The following GLI3 variants were observed in gnomAD, a reference collection of about 807,000 sequenced individuals.
The protein encoded by GLI3 is GLI family zinc finger 3, also known as transcription activator GLI3.
GLI3 carries 20 observed loss-of-function variants against 100.8 expected under a neutral mutation model. The ratio of observed to expected loss-of-function variants is 0.20; its 90% CI spans 0.14 to 0.29. The LOEUF (loss-of-function observed/expected upper bound fraction) is 0.29. GLI3 is among the 10% of genes least tolerant of loss of function. GLI3 has a pLI of 1.00. For synonymous variants in GLI3, 938 were observed against 860.5 expected, an observed-to-expected ratio of 1.09 and a Z score of -1.58; for missense variants, 2,040 against 2,128.5, an observed-to-expected ratio of 0.96 and a Z score of 0.82.
chr7:42,242,891 GC>G (rs1182475967), intron 1 of GLI3, among the ~76,000 whole-genome samples: 1 of 152,128 alleles, frequency 6.6e-6, no homozygotes, highest in Non-Finnish European at 1.5e-5. Flanking sequence ...GAAAATGGGG[GC>G]CACCCACCTG....
At chr7:42,246,083 G>T (rs1788968000) in intron 1 of GLI3, among the ~76,000 whole-genome samples, 1 of 152,086 alleles carries the variant, frequency 6.6e-6, no homozygotes, top group South Asian at 2.1e-4. Flanking sequence ...AGGAAACTCT[G>T]AAAAACCACT....
chr7:41,971,287 C>A (rs548479639), intron 13 of GLI3, among the ~76,000 whole-genome samples: 2 of 152,320 alleles, frequency 1.3e-5, no homozygotes, highest in South Asian at 4.1e-4. Context: ...CTGATTGTTT[C>A]CGTGCATCCG....
At chr7:42,003,023 C>A (rs1033737781) in intron 10 of GLI3, among the ~76,000 whole-genome samples, 2 of 152,206 alleles carry the variant, frequency 1.3e-5, no homozygotes, top group Non-Finnish European at 2.9e-5. Context: ...GGAATGCAAG[C>A]ACCATGAGGA....
Position 42,045,398 on chromosome 7 carries a change from A to C in GLI3, c.812T>G (p.Leu271Arg). Residue 271 changes from leucine (L) to arginine (R), a missense_variant, in exon 6 of 15, where the codon CTT (leucine) becomes CGT (arginine). This residue lies in a region of GLI3 where 603 missense variants were observed against 690.9 expected (regional missense o/e 0.87). Coordinates refer to ENST00000395925, the MANE Select transcript of GLI3 (RefSeq NM_000168.6). Reference sequence around the variant, plus strand: ...CCGTCACTTACTATCCATAGCATGAAGATATTCCATGTGGATGGCCCCCGT... The same window carrying C: ...CCGTCACTTACTATCCATAGCATGACGATATTCCATGTGGATGGCCCCCGT... ...AGTGAIHMEY[L>R]HAMDSTRFSS... 1 of 1,614,078 alleles carries C rather than the reference A, an allele frequency of 6.2e-7. No individual in the cohort carries two copies. Among genetic ancestry groups the C allele is most frequent in the Non-Finnish European group, 8.5e-7 (1 of 1,179,898 alleles).
intron 4 of GLI3, among the ~76,000 whole-genome samples, chr7:42,057,530 T>C (rs1398293457): frequency 1.3e-5 from 2 of 152,208 alleles, no homozygotes; most frequent in African/African-American, 2.4e-5. Flanking sequence ...CAAAGAGTCA[T>C]AGCAGCATTA....
intron 5 of GLI3, 49 bp downstream of exon 5, chr7:42,048,442 G>T (rs373717143): frequency 2.5e-6 from 3 of 1,204,514 alleles, no homozygotes; most frequent in African/African-American, 3.0e-5. Context: ...AGTGAGGAGC[G>T]GGGAGGAGGC....
chr7:42,068,068 A>C (rs1269286881), intron 4 of GLI3, among the ~76,000 whole-genome samples: 1 of 152,236 alleles, frequency 6.6e-6, no homozygotes, highest in Admixed American at 6.5e-5. Flanking sequence ...ATGCACTCAC[A>C]TGCTCTAAGG....
chr7:42,205,823 C>G (rs1190157180), intron 2 of GLI3, among the ~76,000 whole-genome samples: 1 of 152,104 alleles, frequency 6.6e-6, no homozygotes, highest in Non-Finnish European at 1.5e-5. Flanking sequence ...AATGTAAACA[C>G]CAAAGCAAGT....
At chr7:42,115,133 C>CTTTTT (rs56200386) in intron 3 of GLI3, among the ~76,000 whole-genome samples, 42 of 99,634 alleles carry the variant, frequency 4.2e-4, no homozygotes, top group South Asian at 7.2e-4. Flanking sequence ...AATTTTCCTA[C>CTTTTT]TTTTTTTTTT....
chr7:42,188,360 G>A lies in GLI3; in HGVS notation c.124+34770C>T, dbSNP rs118081997. Among the ~76,000 whole-genome samples the A allele has an allele frequency of 3.5e-3, 532 of 152,194 alleles. 7 individuals carry two copies. The highest frequency in any genetic ancestry group is 0.024 in the East Asian group (122 of 5,172). On this transcript the variant is annotated intron_variant, in intron 2 of 14. Coordinates refer to ENST00000395925, the MANE Select transcript of GLI3 (RefSeq NM_000168.6). Reference sequence around the variant, plus strand: ...GACTAATAATATAAATACACACACCGCTGGTAAAGGGTAAGTTGAGTTAGC... The same window carrying A: ...GACTAATAATATAAATACACACACCACTGGTAAAGGGTAAGTTGAGTTAGC...
At chr7:42,157,297 T>C (rs1323799485) in intron 2 of GLI3, among the ~76,000 whole-genome samples, 1 of 152,260 alleles carries the variant, frequency 6.6e-6, no homozygotes, top group Non-Finnish European at 1.5e-5. Flanking sequence ...CAATTGTATC[T>C]AAGCAGCCTG....
chr7:42,142,933 CCAAAAAAAAAAAAA>C (rs1003642680), intron 3 of GLI3, among the ~76,000 whole-genome samples: 2 of 39,766 alleles, frequency 5.0e-5, no homozygotes, highest in African/African-American at 2.3e-4. Context: ...GACTCTGTCT[CCAAAAAAAAAAAAA>C]AAAAAAAAAG....
rs138807006 is a variant in GLI3 at position 42,009,895 on chromosome 7, T to A, written c.1497+13573A>T. On this transcript the variant is annotated intron_variant, in intron 10 of 14. Transcript: ENST00000395925. ...TCCCACAGCATCCTCTCTGTGGCCA[T>A]CAGGACCCACAGTAGCCCCAGTGGA... 3.9e-4 allele frequency among the ~76,000 whole-genome samples: 59 copies of A among 152,338 alleles called. No homozygotes were observed. The East Asian group carries it at 0.01, about 26-fold the overall frequency.
intron 1 of GLI3, among the ~76,000 whole-genome samples, chr7:42,226,155 A>G (rs1161250844): frequency 2.6e-5 from 4 of 152,238 alleles, no homozygotes; most frequent in African/African-American, 7.2e-5. Context: ...TTACTATGCT[A>G]TAATTGTTCC....
chr7:42,004,971 A>C (rs1311725763), intron 10 of GLI3, among the ~76,000 whole-genome samples: 1 of 152,208 alleles, frequency 6.6e-6, no homozygotes, highest in Non-Finnish European at 1.5e-5. Context: ...ATTTTACACA[A>C]AGAGGTTTAT....
intron 4 of GLI3, among the ~76,000 whole-genome samples, chr7:42,052,566 C>T (rs899932053): frequency 5.9e-5 from 9 of 152,166 alleles, no homozygotes; most frequent in African/African-American, 1.9e-4. Context: ...CAGGAGCTGC[C>T]GTGAGGGCTG....
At chr7:42,003,850 T>C (rs1325495814) in intron 10 of GLI3, among the ~76,000 whole-genome samples, 2 of 152,194 alleles carry the variant, frequency 1.3e-5, no homozygotes, top group African/African-American at 2.4e-5. Context: ...TAGCCATGTC[T>C]CTGGTATCAA....
intron 3 of GLI3, among the ~76,000 whole-genome samples, chr7:42,126,334 T>G (rs1442527327): frequency 6.6e-6 from 1 of 152,114 alleles, no homozygotes; most frequent in Non-Finnish European, 1.5e-5. Flanking sequence ...TTAACAACGC[T>G]CACCTATATG....
intron 4 of GLI3, among the ~76,000 whole-genome samples, chr7:42,049,668 C>T (rs1784314291): frequency 6.6e-6 from 1 of 152,208 alleles, no homozygotes; most frequent in Admixed American, 6.5e-5. Flanking sequence ...CACCTGCTGC[C>T]CCATAGCCAC....
Sources: allele counts gnomAD v4.1 joint callset (sites outside exome capture counted in the v4.1 genomes callset), GRCh38; gene constraint gnomAD v4.1.1; regional missense constraint gnomAD v4.1.1; transcripts MANE v1.5; gene names NCBI Gene and HGNC (gene_info 2026-07-23, HGNC 2026-07-21).